The following KDELR1 variants were observed in gnomAD, a reference collection of about 807,000 sequenced individuals.
KDELR1 encodes ER lumen protein-retaining receptor 1.
In KDELR1, 16 loss-of-function variants were observed where a neutral mutation model predicts 25.5. The ratio of observed to expected loss-of-function variants is 0.63; its 90% CI spans 0.43 to 0.95. The LOEUF is 0.95. Ranked by LOEUF, KDELR1 falls within the 40% of genes least tolerant of loss-of-function variation. The pLI, the probability that KDELR1 is intolerant of heterozygous loss-of-function variation, is 0.00. For missense variants in KDELR1, 159 were observed against 265.2 expected, an observed-to-expected ratio of 0.60 and a Z score of 2.78; for synonymous variants, 121 against 115.0, an observed-to-expected ratio of 1.05 and a Z score of -0.33.
chr19:48,387,601 G>GA (rs1970506614), intron 3 of KDELR1, among the ~76,000 whole-genome samples: 1 of 150,316 alleles, frequency 6.7e-6, no homozygotes. Context: ...AGAAACGCTT[G>GA]ACCTGGGAGG....
At position 48,384,085 on chromosome 19, in the gene KDELR1, G is replaced by T; in HGVS notation, c.604+145C>A. The T allele has an allele frequency of 1.0e-6, 1 of 955,980 alleles. No homozygotes were observed. The highest frequency in any genetic ancestry group is 1.5e-6 in the Non-Finnish European group (1 of 646,088). 59.2% of individuals were successfully genotyped at this position (955,980 alleles called of 1,614,324 possible). A position where few individuals can be genotyped will look rare whatever the true frequency, so the allele number is the denominator to read the frequency against. On this transcript the variant is annotated intron_variant, in intron 4 of 4. Coordinates refer to ENST00000330720, the MANE Select transcript of KDELR1 (RefSeq NM_006801.3). The surrounding 1 kb of genome is among the most constrained non-coding windows in gnomAD (Gnocchi z 4.6). Reference sequence around the variant, plus strand: ...GGCTAACGGTCTGAATTCCTAGGAGGATGGTAGGCCTGCCACCCCAGAAAC... The same window carrying T: ...GGCTAACGGTCTGAATTCCTAGGAGTATGGTAGGCCTGCCACCCCAGAAAC...
chr19:48,395,364 C>T (rs185838710), upstream of KDELR1, among the ~76,000 whole-genome samples: 16 of 152,062 alleles, frequency 1.1e-4, no homozygotes, highest in East Asian at 9.7e-4. Context: ...TTAATACCCC[C>T]GCCAAGGACC....
At chr19:48,383,545 CTG>C (rs1201297984) in intron 4 of KDELR1, among the ~76,000 whole-genome samples, 1 of 152,172 alleles carries the variant, frequency 6.6e-6, no homozygotes, top group Non-Finnish European at 1.5e-5. Flanking sequence ...AGGTCCCACT[CTG>C]TAGCCCAGGC....
chr19:48,389,215 A>AG (rs1970521558), intron 3 of KDELR1, among the ~76,000 whole-genome samples: 1 of 152,168 alleles, frequency 6.6e-6, no homozygotes, highest in Admixed American at 6.5e-5. Flanking sequence ...GGTTGCAGTG[A>AG]GCCGAGATCA....
chr19:48,393,068 A>G (rs1478604236), upstream of KDELR1, among the ~76,000 whole-genome samples: 2 of 152,210 alleles, frequency 1.3e-5, no homozygotes, highest in Non-Finnish European at 2.9e-5. The surrounding 1 kb of genome is among the most constrained non-coding windows in gnomAD (Gnocchi z 5.6). Context: ...GAGGGCTGGA[A>G]GGACGGGGTG....
upstream of KDELR1, among the ~76,000 whole-genome samples, chr19:48,393,612 G>A (rs1306006465): frequency 6.6e-6 from 1 of 152,164 alleles, no homozygotes; most frequent in Non-Finnish European, 1.5e-5. The surrounding 1 kb of genome is among the most constrained non-coding windows in gnomAD (Gnocchi z 5.6). Flanking sequence ...AGGGAGGCCA[G>A]GAGGGGGGGC....
chr19:48,389,815 C>A lies in KDELR1; in HGVS notation c.193-104G>T, dbSNP rs1970526873. The A allele has an allele frequency of 4.1e-6, 5 of 1,233,260 alleles. No homozygotes were observed. The South Asian group carries it at 5.3e-5, about 13-fold the overall frequency. The allele number at this position is 1,233,260 out of a possible 1,614,324, so 76.4% of individuals were successfully genotyped here. A position where few individuals can be genotyped will look rare whatever the true frequency, so the allele number is the denominator to read the frequency against. ...CCTCCCTCAGACGCAGGAGTCCAGA[C>A]CCCCAACCCCTCCTCCCTCAGACCC... On this transcript the variant is annotated intron_variant, in intron 2 of 4. Coordinates refer to ENST00000330720, the MANE Select transcript of KDELR1 (RefSeq NM_006801.3).
At position 48,384,081 on chromosome 19, in the gene KDELR1, G is replaced by A. The variant is rs1018433543; in HGVS notation, c.604+149C>T. 2 of 920,744 alleles carry A rather than the reference G, an allele frequency of 2.2e-6. No individual in the cohort carries two copies. Among genetic ancestry groups the A allele is most frequent in the African/African-American group, 1.7e-5 (1 of 60,120 alleles). 57.0% of individuals were successfully genotyped at this position (920,744 alleles called of 1,614,324 possible). ...CAGAGGCTAACGGTCTGAATTCCTA[G>A]GAGGATGGTAGGCCTGCCACCCCAG... On this transcript the variant is annotated intron_variant, in intron 4 of 4. Transcript: ENST00000330720. This position sits in a 1 kb window ranked among gnomAD's most constrained non-coding sequence, Gnocchi z 4.6.
intron 3 of KDELR1, among the ~76,000 whole-genome samples, chr19:48,388,917 A>T (rs1229046346): frequency 1.4e-5 from 1 of 73,546 alleles, no homozygotes; most frequent in Non-Finnish European, 2.5e-5. Context: ...GAAAGGAAAG[A>T]AAGAAAGAAA....
At chr19:48,390,604 A>ACAAT (rs976004418) in intron 1 of KDELR1, 80 bp from the exon 2 acceptor site, 1 of 1,076,028 alleles carries the variant, frequency 9.3e-7, no homozygotes, top group African/African-American at 1.6e-5. Context: ...AGACAGACAG[A>ACAAT]AGGAGAGAGG....
Position 48,390,416 on chromosome 19 carries a change from G to A in KDELR1, c.192+8C>T. The A allele has an allele frequency of 6.2e-7, 1 of 1,602,950 alleles. No homozygotes were observed. ...GTGGGGGCCAGAGAGGTGGGGTGGAGCCTCTACCTTCATACACGTGTTGTA... is the reference window on the plus strand; with the variant it reads ...GTGGGGGCCAGAGAGGTGGGGTGGAACCTCTACCTTCATACACGTGTTGTA... On this transcript the variant is annotated splice_region_variant and intron_variant, in intron 2 of 4. Coordinates refer to ENST00000330720, the MANE Select transcript of KDELR1 (RefSeq NM_006801.3).
At chr19:48,387,687 G>GAAAAAAA (rs957905797) in intron 3 of KDELR1, 4 of 86,932 alleles carry the variant, frequency 4.6e-5, no homozygotes, top group Admixed American at 1.4e-4. Context: ...TCTCAAAAAA[G>GAAAAAAA]AAAAAAAAAA....
chr19:48,390,191 C>G, intron 2 of KDELR1: 2 of 449,512 alleles, frequency 4.4e-6, no homozygotes, highest in Non-Finnish European at 7.9e-6. Context: ...CCCCCGGCCC[C>G]TCCTCCCTCA....
At chr19:48,390,620 G>A (rs1220819082) in intron 1 of KDELR1, 96 bp from the exon 2 acceptor site, 1 of 902,304 alleles carries the variant, frequency 1.1e-6, no homozygotes, top group East Asian at 2.6e-5. Context: ...AGAGGAAGCT[G>A]GGGGTGGGCT....
Position 48,383,315 on chromosome 19 carries a change from T to C in KDELR1, c.617A>G (p.Lys206Arg). 1 of 1,552,248 alleles carries C rather than the reference T, an allele frequency of 6.4e-7. No homozygotes were observed. The highest frequency in any genetic ancestry group is 8.7e-7 in the Non-Finnish European group (1 of 1,147,288). Residue 206 changes from lysine to arginine, a missense_variant, in exon 5 of 5, where the codon AAG becomes AGG. Lys to Arg is a conservative substitution (Grantham distance 26). Coordinates refer to ENST00000330720, the MANE Select transcript of KDELR1 (RefSeq NM_006801.3). ...GGGCTATGCCGGCAAACTCAACTTC[T>C]TCCCCTTTAGGACTGTGAGGAGAGA... ...YLYITKVLKGKKLSLPA is the reference protein window; with the variant it reads ...YLYITKVLKGRKLSLPA
chr19:48,388,133 T>C (rs1970510696), intron 3 of KDELR1, among the ~76,000 whole-genome samples: 1 of 152,228 alleles, frequency 6.6e-6, no homozygotes, highest in Non-Finnish European at 1.5e-5. Context: ...ACATAGGAAC[T>C]GATTATCTCC....
At position 48,383,225 on chromosome 19, in the gene KDELR1, C is replaced by T; in HGVS notation, c.*68G>A. 1 of 1,496,730 alleles carries T rather than the reference C, an allele frequency of 6.7e-7. No individual in the cohort carries two copies. Among genetic ancestry groups the T allele is most frequent in the Admixed American group, 2.0e-5 (1 of 50,900 alleles). The allele number at this position is 1,496,730 out of a possible 1,614,324, so 92.7% of individuals were successfully genotyped here. A position where few individuals can be genotyped will look rare whatever the true frequency, so the allele number is the denominator to read the frequency against. On this transcript the variant is annotated 3_prime_UTR_variant, in exon 5 of 5. Coordinates refer to ENST00000330720, the MANE Select transcript of KDELR1 (RefSeq NM_006801.3). ...AAAAAGTCACCCCTGGATGGGAAAG[C>T]TCTTCATCTTCTGCCGCCTTCCTCT...
upstream of KDELR1, among the ~76,000 whole-genome samples, chr19:48,396,178 C>T (rs780295043): frequency 9.6e-5 from 14 of 145,954 alleles, no homozygotes; most frequent in South Asian, 1.3e-3. Context: ...GAGATGGAGG[C>T]GGGGGGAGCG....
intron 3 of KDELR1, among the ~76,000 whole-genome samples, chr19:48,385,802 G>A (rs554396646): frequency 4.3e-4 from 66 of 152,306 alleles, no homozygotes; most frequent in African/African-American, 1.4e-3. Context: ...CCAAGGCATC[G>A]CTCCTTAGGG....
Sources: allele counts gnomAD v4.1 joint callset (sites outside exome capture counted in the v4.1 genomes callset), GRCh38; gene constraint gnomAD v4.1.1; non-coding constraint Gnocchi (gnomAD v3.1); transcripts MANE v1.5; gene names NCBI Gene and HGNC (gene_info 2026-07-23, HGNC 2026-07-21).